The following CFAP299 variants were observed in gnomAD, a reference collection of about 807,000 sequenced individuals.
The protein encoded by CFAP299 is cilia- and flagella-associated protein 299.
In CFAP299, 21 loss-of-function variants were observed where a neutral mutation model predicts 27.0. The ratio of observed to expected loss-of-function variants is 0.78; its 90% CI spans 0.55 to 1.12. The LOEUF (loss-of-function observed/expected upper bound fraction) is 1.12. Ranked by LOEUF, CFAP299 falls within the 50% of genes most tolerant of loss-of-function variation. CFAP299 has a pLI of 0.00. For missense variants in CFAP299, 310 were observed against 276.6 expected (o/e 1.12, Z -0.86); for synonymous variants, 104 against 98.1 (o/e 1.06, Z -0.36).
At chr4:80,877,158 A>G (rs1486542601) in intron 4 of CFAP299, among the ~76,000 whole-genome samples, 3 of 152,222 alleles carry the variant, frequency 2.0e-5, no homozygotes, top group African/African-American at 7.2e-5. Flanking sequence ...GTCCCAGGAT[A>G]CTTTTAGAAT....
chr4:80,360,685 G>T (rs188352760), intron 1 of CFAP299, among the ~76,000 whole-genome samples: 1 of 152,142 alleles, frequency 6.6e-6, no homozygotes, highest in East Asian at 1.9e-4. Context: ...ATTGTTATAG[G>T]TTTCAAGTTT....
intron 3 of CFAP299, among the ~76,000 whole-genome samples, chr4:80,749,392 A>G (rs1229260004): frequency 1.3e-5 from 2 of 152,216 alleles, no homozygotes; most frequent in African/African-American, 2.4e-5. Flanking sequence ...AAATACTTAC[A>G]TTAGTCTGGG....
chr4:80,932,989 A>G (rs761006701), intron 4 of CFAP299, among the ~76,000 whole-genome samples: 5 of 152,330 alleles, frequency 3.3e-5, no homozygotes, highest in South Asian at 2.1e-4. Context: ...AACATCTTCT[A>G]TATTCCATTT....
In CFAP299 at chr4:80,388,597, C is replaced by T. The variant is rs573840304; in HGVS notation, c.242+25713C>T. The T allele has an allele frequency of 8.4e-5, 118 of 1,408,016 alleles. 2 individuals carry two copies. In the South Asian group the frequency reaches 1.2e-3, roughly 14 times the overall value. The allele number at this position is 1,408,016 out of a possible 1,614,324, so 87.2% of individuals were successfully genotyped here. On this transcript the variant is annotated intron_variant, in intron 2 of 5. Transcript: ENST00000358105. The stretch of plus-strand genomic sequence containing the variant: ...CATCCAATGGCTGGATAGCAGGGGA[C>T]GCATTGACACTCTGGCCTCTGGGAT...
intron 2 of CFAP299, among the ~76,000 whole-genome samples, chr4:80,546,219 T>G (rs1347057106): frequency 6.6e-6 from 1 of 152,016 alleles, no homozygotes; most frequent in Admixed American, 6.6e-5. Context: ...CCACTCCCAT[T>G]CAGCCCCACA....
At chr4:80,352,104 A>G (rs1560525609) in intron 1 of CFAP299, among the ~76,000 whole-genome samples, 1 of 152,174 alleles carries the variant, frequency 6.6e-6, no homozygotes, top group Non-Finnish European at 1.5e-5. Context: ...GAGTCAATCA[A>G]TACATTAGCT....
At chr4:80,375,403 T>C (rs1724355365) in intron 2 of CFAP299, among the ~76,000 whole-genome samples, 1 of 152,100 alleles carries the variant, frequency 6.6e-6, no homozygotes, top group South Asian at 2.1e-4. Flanking sequence ...GCTTACCACA[T>C]GTGAATCTTT....
intron 2 of CFAP299, among the ~76,000 whole-genome samples, chr4:80,385,392 C>T (rs1306065537): frequency 6.6e-6 from 1 of 151,370 alleles, no homozygotes; most frequent in Non-Finnish European, 1.5e-5. Flanking sequence ...AGAAAAAAAT[C>T]GTGATTACAT....
chr4:80,479,697 C>T (rs921899037), intron 2 of CFAP299, among the ~76,000 whole-genome samples: 1 of 151,882 alleles, frequency 6.6e-6, no homozygotes, highest in African/African-American at 2.4e-5. Flanking sequence ...TGGATTCACA[C>T]TAGATAGTTA....
intron 2 of CFAP299, among the ~76,000 whole-genome samples, chr4:80,450,036 G>C (rs1435459329): frequency 6.6e-6 from 1 of 152,086 alleles, no homozygotes; most frequent in African/African-American, 2.4e-5. Flanking sequence ...AAGCTATGCA[G>C]TAAGGCAGTG....
chr4:80,836,145 G>A (rs1464449568), intron 3 of CFAP299, among the ~76,000 whole-genome samples: 1 of 152,086 alleles, frequency 6.6e-6, no homozygotes, highest in Non-Finnish European at 1.5e-5. Flanking sequence ...TTTGCACTAA[G>A]CCTATGTATC....
chr4:80,683,887 A>G (rs1031776788), intron 3 of CFAP299, among the ~76,000 whole-genome samples: 1 of 152,236 alleles, frequency 6.6e-6, no homozygotes, highest in East Asian at 1.9e-4. Flanking sequence ...AAAGCAATCT[A>G]GTGCATTTCA....
intron 3 of CFAP299, among the ~76,000 whole-genome samples, chr4:80,790,100 G>A (rs1487771150): frequency 6.6e-6 from 1 of 151,812 alleles, no homozygotes; most frequent in Non-Finnish European, 1.5e-5. Flanking sequence ...CAGTTCTTTT[G>A]TGTGTAAACT....
intron 4 of CFAP299, among the ~76,000 whole-genome samples, chr4:80,892,188 C>T (rs1261249913): frequency 2.6e-5 from 4 of 151,964 alleles, no homozygotes; most frequent in Admixed American, 2.0e-4. Flanking sequence ...GAATAGAGAA[C>T]CCGGAGACAA....
Position 80,962,493 on chromosome 4 carries a change from A to C in CFAP299, c.607-1024A>C, listed in dbSNP as rs111250773. On this transcript the variant is annotated intron_variant, in intron 5 of 5. Transcript: ENST00000358105. ...AACTTAAAGAGCATGGCACATGTAT[A>C]CATATGTAACTAACCTGCACATTGG... Among the ~76,000 whole-genome samples the C allele has an allele frequency of 3.8e-3, 579 of 152,070 alleles. 8 individuals carry two copies. The highest frequency in any genetic ancestry group is 0.013 in the African/African-American group (554 of 41,544).
chr4:80,571,194 A>C (rs569990313), intron 2 of CFAP299, among the ~76,000 whole-genome samples: 1 of 152,240 alleles, frequency 6.6e-6, no homozygotes, highest in African/African-American at 2.4e-5. Context: ...AGCGGCTTCT[A>C]TCTAAAGTAT....
intron 3 of CFAP299, among the ~76,000 whole-genome samples, chr4:80,630,047 T>C (rs1429491862): frequency 6.6e-6 from 1 of 151,984 alleles, no homozygotes; most frequent in Admixed American, 6.6e-5. Flanking sequence ...CGTGAACTGA[T>C]CATAGGACTG....
chr4:80,454,364 G>C (rs1425981223), intron 2 of CFAP299, among the ~76,000 whole-genome samples: 2 of 152,184 alleles, frequency 1.3e-5, no homozygotes, highest in African/African-American at 4.8e-5. Context: ...ACATTATTTA[G>C]GCAAAATATT....
At chr4:80,484,800 T>C (rs1730727808) in intron 2 of CFAP299, among the ~76,000 whole-genome samples, 1 of 152,182 alleles carries the variant, frequency 6.6e-6, no homozygotes, top group South Asian at 2.1e-4. Flanking sequence ...ACAGCCACTT[T>C]TTAATTTTTT....
Sources: allele counts gnomAD v4.1 joint callset (sites outside exome capture counted in the v4.1 genomes callset), GRCh38; gene constraint gnomAD v4.1.1; transcripts MANE v1.5; gene names NCBI Gene and HGNC (gene_info 2026-07-23, HGNC 2026-07-21).